Variants in CXXC5 observed in about 807,000 individuals in gnomAD.
CXXC5 encodes CXXC finger protein 5.
Under a neutral mutation model 17.6 loss-of-function variants are expected in CXXC5, and 2 were observed. The ratio of observed to expected loss-of-function variants is 0.11; its 90% CI spans 0.05 to 0.36. The LOEUF (loss-of-function observed/expected upper bound fraction) is 0.36, where lower values mean the gene tolerates loss of function less well. Ranked by LOEUF, CXXC5 falls within the 10% of genes least tolerant of loss-of-function variation. The probability of loss-of-function intolerance (pLI) is 1.00; values close to 1 mark genes in which losing one functional copy is unlikely to be tolerated. For missense variants in CXXC5, 343 were observed against 458.3 expected (o/e 0.75, Z 2.30); for synonymous variants, 171 against 193.0 (o/e 0.89, Z 0.94).
chr5:139,649,204 G>C (rs960269789), intron 1 of CXXC5: 1 of 152,328 alleles, frequency 6.6e-6, no homozygotes, highest in Non-Finnish European at 1.5e-5. Context: ...AAAAAGAGGG[G>C]TTTTAGGGTC....
At chr5:139,666,058 G>A (rs1019695111) in intron 1 of CXXC5, among the ~76,000 whole-genome samples, 3 of 152,156 alleles carry the variant, frequency 2.0e-5, no homozygotes, top group Non-Finnish European at 4.4e-5. Flanking sequence ...TTTTTCAAAG[G>A]GCTCAAAGGA....
rs1056322437 is a variant in CXXC5, at chr5:139,683,838, C to G, written c.*931C>G. Reference sequence around the variant, plus strand: ...ATGCTGTTTGTATTGTTTTAGGAAACCAGGCTGTTTTGTGAATAAAACGAA... The same window carrying G: ...ATGCTGTTTGTATTGTTTTAGGAAAGCAGGCTGTTTTGTGAATAAAACGAA... On this transcript the variant is annotated 3_prime_UTR_variant, in exon 3 of 3. Transcript: ENST00000302517. 1 of 152,478 alleles carries G rather than the reference C, an allele frequency of 6.6e-6. No individual in the cohort carries two copies. Among genetic ancestry groups the G allele is most frequent in the African/African-American group, 2.4e-5 (1 of 41,444 alleles). 9.4% of individuals were successfully genotyped at this position (152,478 alleles called of 1,614,324 possible). A position where few individuals can be genotyped will look rare whatever the true frequency, so the allele number is the denominator to read the frequency against.
In CXXC5 at chr5:139,663,778, G is replaced by T. The variant is rs1755948215; in HGVS notation, c.-161+14933G>T. Among the ~76,000 whole-genome samples, 1 of 152,200 alleles carries T rather than the reference G, an allele frequency of 6.6e-6. No individual in the cohort carries two copies. The highest frequency in any genetic ancestry group is 1.5e-5 in the Non-Finnish European group (1 of 68,028). ...AACAACAACATGGCTATCCTTAGTTGAGCACCTACTGCATGTGGACGCTAC... is the reference window on the plus strand; with the variant it reads ...AACAACAACATGGCTATCCTTAGTTTAGCACCTACTGCATGTGGACGCTAC... On this transcript the variant is annotated intron_variant, in intron 1 of 2. Coordinates refer to ENST00000302517, the MANE Select transcript of CXXC5 (RefSeq NM_016463.9). This position sits in a 1 kb window ranked among gnomAD's most constrained non-coding sequence, Gnocchi z 4.2.
intron 1 of CXXC5, among the ~76,000 whole-genome samples, chr5:139,657,895 C>T (rs1005309509): frequency 1.9e-4 from 29 of 152,140 alleles, no homozygotes; most frequent in Non-Finnish European, 7.4e-5. Context: ...TCCCTCCCTC[C>T]TAGCCGCAGG....
Position 139,648,675 on chromosome 5 carries a change from G to A in CXXC5, c.-331G>A, listed in dbSNP as rs1386618963. 6.6e-6 allele frequency: 1 copy of A among 150,776 alleles called. No homozygotes were observed. The highest frequency in any genetic ancestry group is 2.4e-5 in the African/African-American group (1 of 41,022). 9.3% of individuals were successfully genotyped at this position (150,776 alleles called of 1,614,324 possible). On this transcript the variant is annotated 5_prime_UTR_variant, in exon 1 of 3. Coordinates refer to ENST00000302517, the MANE Select transcript of CXXC5 (RefSeq NM_016463.9). The stretch of plus-strand genomic sequence containing the variant: ...GCAGGCTCCCCCCCCTCCCCGCCTC[G>A]GGCCAGCCGCGGCGGCGCGACTCGG...
chr5:139,650,561 C>T (rs1755113664), intron 1 of CXXC5, among the ~76,000 whole-genome samples: 1 of 152,218 alleles, frequency 6.6e-6, no homozygotes, highest in Non-Finnish European at 1.5e-5. Flanking sequence ...AGCGCGGTCG[C>T]TGCGGACTTG....
In CXXC5 at chr5:139,670,242, G is replaced by A. The variant is rs1756384501; in HGVS notation, c.-160-10122G>A. Reference sequence around the variant, plus strand: ...CTGCAGGGAGGGCCTGCGGTCTGGGGGCTTTTGTTTTCCAGTTTTTTCCAC... The same window carrying A: ...CTGCAGGGAGGGCCTGCGGTCTGGGAGCTTTTGTTTTCCAGTTTTTTCCAC... On this transcript the variant is annotated intron_variant, in intron 1 of 2. Coordinates refer to ENST00000302517, the MANE Select transcript of CXXC5 (RefSeq NM_016463.9). This position sits in a 1 kb window ranked among gnomAD's most constrained non-coding sequence, Gnocchi z 4.2. Among the ~76,000 whole-genome samples, 1 of 152,232 alleles carries A rather than the reference G, an allele frequency of 6.6e-6. No individual in the cohort carries two copies. Among genetic ancestry groups the A allele is most frequent in the Non-Finnish European group, 1.5e-5 (1 of 68,046 alleles).
Position 139,661,024 on chromosome 5 carries a change from AG to A in CXXC5, c.-161+12184del, listed in dbSNP as rs1167215118. ...AACCCCGGAGCTGCAGCCTGGGCCGAGGGGGCCAGGGCAGCCGGAGTCTGGG... is the reference window on the plus strand; with the variant it reads ...AACCCCGGAGCTGCAGCCTGGGCCGAGGGGCCAGGGCAGCCGGAGTCTGGG... On this transcript the variant is annotated intron_variant, in intron 1 of 2. Coordinates refer to ENST00000302517, the MANE Select transcript of CXXC5 (RefSeq NM_016463.9). The surrounding 1 kb of genome is among the most constrained non-coding windows in gnomAD (Gnocchi z 4.7). Among the ~76,000 whole-genome samples the A allele has an allele frequency of 1.3e-5, 2 of 152,146 alleles. No individual in the cohort carries two copies. The highest frequency in any genetic ancestry group is 6.5e-5 in the Admixed American group (1 of 15,280).
intron 1 of CXXC5, chr5:139,649,670 T>C (rs1360283757): frequency 6.6e-6 from 1 of 152,318 alleles, no homozygotes; most frequent in Non-Finnish European, 1.5e-5. Flanking sequence ...GGGAGTCTTT[T>C]GAGCTGTCTC....
At chr5:139,664,635 T>G (rs1294325615) in intron 1 of CXXC5, among the ~76,000 whole-genome samples, 1 of 152,138 alleles carries the variant, frequency 6.6e-6, no homozygotes. Context: ...CCCTGCGTGC[T>G]CTCTGAGGCA....
chr5:139,682,355 C>A (rs1291344479), intron 2 of CXXC5, among the ~76,000 whole-genome samples: 3 of 150,622 alleles, frequency 2.0e-5, no homozygotes, highest in Non-Finnish European at 4.4e-5. Flanking sequence ...CCAGCCCCAG[C>A]CCTTCCATTT....
At chr5:139,669,389 C>T (rs1472039107) in intron 1 of CXXC5, among the ~76,000 whole-genome samples, 1 of 152,046 alleles carries the variant, frequency 6.6e-6, no homozygotes, top group Non-Finnish European at 1.5e-5. Flanking sequence ...CAGCCCCGTG[C>T]CCATCACTGA....
chr5:139,667,918 G>A (rs888874195), intron 1 of CXXC5, among the ~76,000 whole-genome samples: 1 of 152,170 alleles, frequency 6.6e-6, no homozygotes, highest in Non-Finnish European at 1.5e-5. Context: ...CAGCTGCGGT[G>A]GCTCCAGGCC....
intron 2 of CXXC5, 78 bp downstream of exon 2, chr5:139,681,525 C>A: frequency 1.3e-6 from 2 of 1,488,702 alleles, no homozygotes; most frequent in Middle Eastern, 1.9e-4. Flanking sequence ...CCCCTGACCC[C>A]ACTTTTCCTA....
rs1337695422 is a variant in CXXC5, at chr5:139,658,765, C to T, written c.-161+9920C>T. ...CCCCCTCCCTTGGGGTCCTCAGCAG[C>T]CCCATCTGTGCAATGGGGAGAGGAG... On this transcript the variant is annotated intron_variant, in intron 1 of 2. Coordinates refer to ENST00000302517, the MANE Select transcript of CXXC5 (RefSeq NM_016463.9). This position sits in a 1 kb window ranked among gnomAD's most constrained non-coding sequence, Gnocchi z 4.1. Among the ~76,000 whole-genome samples, 2 of 152,216 alleles carry T rather than the reference C, an allele frequency of 1.3e-5. No homozygotes were observed. Among genetic ancestry groups the T allele is most frequent in the African/African-American group, 2.4e-5 (1 of 41,468 alleles).
chr5:139,650,259 C>G (rs1013707146), intron 1 of CXXC5, among the ~76,000 whole-genome samples: 12 of 152,160 alleles, frequency 7.9e-5, no homozygotes, highest in Non-Finnish European at 1.5e-4. Context: ...TCCTTTGCCC[C>G]CTGGACTTTG....
At chr5:139,652,459 C>T (rs933913088) in intron 1 of CXXC5, among the ~76,000 whole-genome samples, 1 of 152,266 alleles carries the variant, frequency 6.6e-6, no homozygotes, top group African/African-American at 2.4e-5. Flanking sequence ...CCTCCACCTG[C>T]CCCCTAAAGC....
At chr5:139,655,635 TG>T in intron 1 of CXXC5, among the ~76,000 whole-genome samples, 1 of 151,974 alleles carries the variant, frequency 6.6e-6, no homozygotes. Flanking sequence ...ACCATCTCCC[TG>T]CCCTTTTCCT....
At position 139,668,743 on chromosome 5, in the gene CXXC5, G is replaced by A. The variant is rs776340941; in HGVS notation, c.-160-11621G>A. Among the ~76,000 whole-genome samples the A allele has an allele frequency of 5.2e-4, 79 of 152,202 alleles. No homozygotes were observed. The highest frequency in any genetic ancestry group is 1.3e-3 in the African/African-American group (55 of 41,444). On this transcript the variant is annotated intron_variant, in intron 1 of 2. Transcript: ENST00000302517. This position sits in a 1 kb window ranked among gnomAD's most constrained non-coding sequence, Gnocchi z 4.1. The stretch of plus-strand genomic sequence containing the variant: ...GAGATATGCTTATCCCAGGCGGAGC[G>A]GAGAAGGCTGGGGGATGACTGATAG...
Sources: allele counts gnomAD v4.1 joint callset (sites outside exome capture counted in the v4.1 genomes callset), GRCh38; gene constraint gnomAD v4.1.1; non-coding constraint Gnocchi (gnomAD v3.1); transcripts MANE v1.5; gene names NCBI Gene and HGNC (gene_info 2026-07-23, HGNC 2026-07-21).